SLC9C1: variants seen among roughly 807,000 people sequenced by gnomAD.
SLC9C1 encodes the protein solute carrier family 9 member C1.
A neutral mutation model predicts 140.9 loss-of-function variants in SLC9C1; 97 were observed. The ratio of observed to expected loss-of-function variants is 0.69; its 90% CI spans 0.58 to 0.82. SLC9C1 has a LOEUF of 0.82. Among genes scored for constraint, SLC9C1 ranks in the 40% least tolerant of loss-of-function variants. The pLI is 0.00. For missense variants in SLC9C1, 1,340 were observed against 1,389.3 expected (o/e 0.96, Z 0.56); for synonymous variants, 440 against 442.6 (o/e 0.99, Z 0.07).
chr3:112,266,233 C>T lies in SLC9C1; in HGVS notation c.878+5G>A. The T allele has an allele frequency of 6.3e-7, 1 of 1,586,070 alleles. No homozygotes were observed. Among genetic ancestry groups the T allele is most frequent in the South Asian group, 1.1e-5 (1 of 88,568 alleles). Reference sequence around the variant, plus strand: ...AAATAAAGTCAAAATATGCTATCCACTTACTCAAGAAGAAGTGTTTCTTCA... The same window carrying T: ...AAATAAAGTCAAAATATGCTATCCATTTACTCAAGAAGAAGTGTTTCTTCA... On this transcript the variant is annotated splice_donor_5th_base_variant and intron_variant, in intron 8 of 28. Coordinates refer to ENST00000305815, the MANE Select transcript of SLC9C1 (RefSeq NM_183061.3).
At chr3:112,217,107 G>A (rs926699238) in intron 15 of SLC9C1, among the ~76,000 whole-genome samples, 5 of 151,900 alleles carry the variant, frequency 3.3e-5, no homozygotes, top group African/African-American at 4.8e-5. Flanking sequence ...TTGCAAGGAC[G>A]AAAAACCAAA....
At chr3:112,272,223 C>T (rs530702264) in intron 6 of SLC9C1, among the ~76,000 whole-genome samples, 4 of 152,174 alleles carry the variant, frequency 2.6e-5, no homozygotes, top group Non-Finnish European at 5.9e-5. Flanking sequence ...ATCTGGAGTT[C>T]GAAGACCCCA....
At chr3:112,198,052 C>T (rs1219075516) in intron 20 of SLC9C1, among the ~76,000 whole-genome samples, 2 of 151,970 alleles carry the variant, frequency 1.3e-5, no homozygotes, top group Non-Finnish European at 2.9e-5. Flanking sequence ...TAGTAGGAAC[C>T]ATATGGCCTA....
At position 112,179,635 on chromosome 3, in the gene SLC9C1, T is replaced by C. The variant is rs1560035201; in HGVS notation, c.2815A>G (p.Ile939Val). The change falls in exon 23 of 29, where the codon ATA (isoleucine) becomes GTA (valine). Residue 939 changes from isoleucine (I) to valine (V), a missense_variant. Coordinates refer to ENST00000305815, the MANE Select transcript of SLC9C1 (RefSeq NM_183061.3). ...MVESKEKDFP[I>V]IDTDYMLSGE... ...CTGAGCATATAGTCTGTGTCAATTA[T>C]CGGAAAATCTTTCTCCTTTGACTCC... is the stretch of plus-strand genomic sequence containing the variant. The C allele has an allele frequency of 5.6e-6, 9 of 1,611,606 alleles. No individual in the cohort carries two copies. The Admixed American group carries it at 1.3e-4, about 24-fold the overall frequency.
chr3:112,209,701 T>A (rs6770357), intron 15 of SLC9C1, among the ~76,000 whole-genome samples: 114,786 of 152,008 alleles, frequency 0.76, 43,753 homozygotes, highest in East Asian at 0.99. Flanking sequence ...CACTAGAAAG[T>A]ACTGATCTGA....
chr3:112,217,352 AC>A (rs1288140848), intron 15 of SLC9C1, 89 bp downstream of exon 15: 175 of 1,442,294 alleles, frequency 1.2e-4, no homozygotes, highest in Middle Eastern at 1.9e-4. Flanking sequence ...TAGTATAATA[AC>A]AAAAAATTCA....
At chr3:112,222,939 A>G (rs113222363) in intron 13 of SLC9C1, among the ~76,000 whole-genome samples, 15 of 152,260 alleles carry the variant, frequency 9.9e-5, no homozygotes, top group African/African-American at 3.6e-4. Context: ...GGTCTGAAAC[A>G]TCTTTAAACA....
At chr3:112,206,826 C>T (rs1307943447) in intron 16 of SLC9C1, among the ~76,000 whole-genome samples, 1 of 143,930 alleles carries the variant, frequency 6.9e-6, no homozygotes, top group Non-Finnish European at 1.5e-5. Flanking sequence ...AGGAACATCA[C>T]ACACCGGATC....
chr3:112,239,723 A>T, intron 12 of SLC9C1, 117 bp downstream of exon 12: 3 of 1,057,866 alleles, frequency 2.8e-6, no homozygotes, highest in Non-Finnish European at 3.9e-6. Flanking sequence ...AGTTATTAAC[A>T]TGACTTCTCT....
intron 12 of SLC9C1, among the ~76,000 whole-genome samples, chr3:112,234,252 A>G (rs528990179): frequency 4.6e-5 from 7 of 152,166 alleles, no homozygotes; most frequent in South Asian, 4.2e-4. Context: ...GCATTTTTTC[A>G]TGTATCTGTT....
chr3:112,212,353 G>A (rs1423878894), intron 15 of SLC9C1, among the ~76,000 whole-genome samples: 2 of 152,174 alleles, frequency 1.3e-5, no homozygotes, highest in Non-Finnish European at 2.9e-5. Context: ...AAAGCCGGAT[G>A]GAGAATGACT....
chr3:112,179,397 G>T, intron 23 of SLC9C1, 134 bp downstream of exon 23: 2 of 1,000,290 alleles, frequency 2.0e-6, no homozygotes, highest in South Asian at 2.0e-5. Context: ...GGCAAGTTTT[G>T]TTCCTTTATA....
chr3:112,190,787 C>CT (rs2077642727), intron 20 of SLC9C1, among the ~76,000 whole-genome samples: 1 of 151,728 alleles, frequency 6.6e-6, no homozygotes, highest in Non-Finnish European at 1.5e-5. Flanking sequence ...TTTCTATAAA[C>CT]TTTTTAGGAA....
chr3:112,194,798 AT>A (rs1420759386), intron 20 of SLC9C1, among the ~76,000 whole-genome samples: 1 of 148,374 alleles, frequency 6.7e-6, no homozygotes, highest in Admixed American at 6.7e-5. Context: ...AAACAATGAT[AT>A]TTTCTTTTTT....
chr3:112,280,645 C>A, intron 3 of SLC9C1, 38 bp downstream of exon 3: 3 of 1,519,940 alleles, frequency 2.0e-6, no homozygotes, highest in South Asian at 2.5e-5. Flanking sequence ...ATATAATTCT[C>A]AAATAAATAG....
At chr3:112,235,397 A>G (rs958116649) in intron 12 of SLC9C1, among the ~76,000 whole-genome samples, 2 of 150,928 alleles carry the variant, frequency 1.3e-5, no homozygotes, top group Non-Finnish European at 2.9e-5. Flanking sequence ...GGTTTTCTAA[A>G]TATACAATCA....
intron 11 of SLC9C1, among the ~76,000 whole-genome samples, chr3:112,242,672 AAG>A (rs2079168643): frequency 6.6e-6 from 1 of 152,126 alleles, no homozygotes; most frequent in Non-Finnish European, 1.5e-5. Context: ...AAATAACTAA[AAG>A]AGCACAATTG....
At chr3:112,193,171 G>A (rs549909383) in intron 20 of SLC9C1, among the ~76,000 whole-genome samples, 1 of 152,346 alleles carries the variant, frequency 6.6e-6, no homozygotes, top group African/African-American at 2.4e-5. Flanking sequence ...CCATGGCTTT[G>A]CCAGGTATAG....
chr3:112,248,661 T>C (rs2079361688), intron 10 of SLC9C1, among the ~76,000 whole-genome samples: 1 of 152,168 alleles, frequency 6.6e-6, no homozygotes, highest in Non-Finnish European at 1.5e-5. Flanking sequence ...TTTCTCCCTA[T>C]TGCCTGAGGT....
Sources: gnomAD v4.1 joint callset for allele counts (sites outside exome capture counted in the v4.1 genomes callset) on GRCh38, gnomAD v4.1.1 for gene constraint, MANE v1.5 for transcripts, NCBI Gene and HGNC (gene_info 2026-07-23, HGNC 2026-07-21) for gene names.